The following FGF14 variants were observed in gnomAD, a reference collection of about 807,000 sequenced individuals.
FGF14 encodes fibroblast growth factor homologous factor 4.
In FGF14, 5 loss-of-function variants were observed where a neutral mutation model predicts 25.5. The observed-to-expected ratio is 0.20, with a 90% CI of 0.10 to 0.41. FGF14 has a LOEUF of 0.41. Among genes scored for constraint, FGF14 ranks in the 10% least tolerant of loss-of-function variants. The pLI is 1.00. For synonymous variants in FGF14, 138 were observed against 118.3 expected (o/e 1.17, Z -1.08); for missense variants, 222 against 320.1 (o/e 0.69, Z 2.34).
At chr13:102,366,332 T>A (rs1380661292) in intron 1 of FGF14, 1 of 152,144 alleles carries the variant, frequency 6.6e-6, no homozygotes, top group Non-Finnish European at 1.5e-5. Context: ...CACAGTATAT[T>A]ATAACATGTC....
At chr13:101,803,458 A>G (rs1416257464) in intron 3 of FGF14, among the ~76,000 whole-genome samples, 1 of 152,128 alleles carries the variant, frequency 6.6e-6, no homozygotes, top group African/African-American at 2.4e-5. Context: ...AAACTGCAGA[A>G]CTGTTCATTG....
chr13:102,036,967 T>C (rs1230014424), intron 1 of FGF14, among the ~76,000 whole-genome samples: 2 of 152,134 alleles, frequency 1.3e-5, no homozygotes, highest in Non-Finnish European at 2.9e-5. Context: ...CAGAGCAAAA[T>C]ACACAGGGAG....
chr13:102,258,442 T>C (rs2141104259), intron 1 of FGF14, among the ~76,000 whole-genome samples: 1 of 152,276 alleles, frequency 6.6e-6, no homozygotes, highest in East Asian at 1.9e-4. Flanking sequence ...CACCATTGGC[T>C]GAGGTCCTCT....
At chr13:101,970,300 A>C (rs1245987759) in intron 1 of FGF14, among the ~76,000 whole-genome samples, 1 of 152,374 alleles carries the variant, frequency 6.6e-6, no homozygotes, top group South Asian at 2.1e-4. Context: ...TATGGGTTTA[A>C]AATTAATTGC....
chr13:102,060,245 G>C (rs2042620143), intron 1 of FGF14, among the ~76,000 whole-genome samples: 2 of 152,292 alleles, frequency 1.3e-5, no homozygotes, highest in South Asian at 4.1e-4. Context: ...ATAAATCTGG[G>C]CAGGTCGTGG....
At chr13:101,866,028 CG>C (rs2044683373) in intron 3 of FGF14, among the ~76,000 whole-genome samples, 1 of 151,872 alleles carries the variant, frequency 6.6e-6, no homozygotes, top group African/African-American at 2.4e-5. Context: ...GGGTTAACAA[CG>C]TTTGTCATGG....
At position 102,174,993 on chromosome 13, in the gene FGF14, G is replaced by A. The variant is rs149455089; in HGVS notation, c.208+226478C>T. Reference sequence around the variant, plus strand: ...GAGAAACATTCCAAGCTCATAGACAGGAAGAATCAATATTGTTAAAATGTC... The same window carrying A: ...GAGAAACATTCCAAGCTCATAGACAAGAAGAATCAATATTGTTAAAATGTC... On this transcript the variant is annotated intron_variant, in intron 1 of 4. Transcript: ENST00000376131. Among the ~76,000 whole-genome samples the A allele has an allele frequency of 7.1e-3, 1,080 of 152,138 alleles. 13 individuals are homozygous for A. Among genetic ancestry groups the A allele is most frequent in the African/African-American group, 0.024 (981 of 41,512 alleles).
At chr13:101,942,286 G>A (rs1012376219) in intron 1 of FGF14, among the ~76,000 whole-genome samples, 2 of 152,104 alleles carry the variant, frequency 1.3e-5, no homozygotes, top group African/African-American at 4.8e-5. Flanking sequence ...AGCCTGTTTA[G>A]TGTCTCAGGA....
At chr13:101,738,196 A>C (rs1403257315) in intron 3 of FGF14, among the ~76,000 whole-genome samples, 4 of 152,324 alleles carry the variant, frequency 2.6e-5, no homozygotes, top group Admixed American at 2.0e-4. Flanking sequence ...ATAGATTAAG[A>C]AGCATTTATT....
chr13:101,829,655 A>G (rs2042574006), intron 3 of FGF14, among the ~76,000 whole-genome samples: 1 of 152,084 alleles, frequency 6.6e-6, no homozygotes, highest in African/African-American at 2.4e-5. Context: ...ACCCAGGGCT[A>G]AAGTAAATAC....
chr13:102,098,687 C>T (rs1045888548), intron 1 of FGF14, among the ~76,000 whole-genome samples: 8 of 152,080 alleles, frequency 5.3e-5, no homozygotes, highest in Admixed American at 2.0e-4. Flanking sequence ...TGAACTAAGT[C>T]CTGAGGTCTG....
At chr13:102,304,331 T>C (rs1241169037) in intron 1 of FGF14, among the ~76,000 whole-genome samples, 1 of 152,122 alleles carries the variant, frequency 6.6e-6, no homozygotes, top group Non-Finnish European at 1.5e-5. Flanking sequence ...AGATTCCTGT[T>C]GCTACTCTGA....
chr13:101,838,660 T>C (rs893758628), intron 3 of FGF14, among the ~76,000 whole-genome samples: 1 of 152,028 alleles, frequency 6.6e-6, no homozygotes, highest in East Asian at 1.9e-4. Context: ...CTGTGTCAAG[T>C]AGACCGAAAA....
intron 1 of FGF14, among the ~76,000 whole-genome samples, chr13:101,955,121 C>A (rs534237046): frequency 6.6e-6 from 1 of 152,194 alleles, no homozygotes; most frequent in Non-Finnish European, 1.5e-5. Context: ...GCATTCCCAG[C>A]TGGAGACTGT....
intron 1 of FGF14, among the ~76,000 whole-genome samples, chr13:101,966,869 G>A (rs769653450): frequency 2.0e-5 from 3 of 152,136 alleles, no homozygotes; most frequent in Non-Finnish European, 4.4e-5. Context: ...GAGACAGTTC[G>A]TTATTGTTTG....
rs1491358179 is a variant in FGF14 at position 101,720,528 on chromosome 13, C to CTGTGTGTGTGTGTGTG, written c.*2302_*2303insCACACACACACACACA. ...AGTAACAAATAGATGGGGGTGTTTG[C>CTGTGTGTGTGTGTGTG]TCTGTGTGTGTGTGTGTGTGTGTGT... On this transcript the variant is annotated 3_prime_UTR_variant, in exon 5 of 5. Coordinates refer to ENST00000376143, the MANE Select transcript of FGF14 (RefSeq NM_004115.4). 1.1e-5 allele frequency: 1 copy of CTGTGTGTGTGTGTGTG among 92,694 alleles called. No homozygotes were observed. Among genetic ancestry groups the CTGTGTGTGTGTGTGTG allele is most frequent in the African/African-American group, 4.7e-5 (1 of 21,218 alleles). 5.7% of individuals were successfully genotyped at this position (92,694 alleles called of 1,614,324 possible). A position where few individuals can be genotyped will look rare whatever the true frequency, so the allele number is the denominator to read the frequency against.
At chr13:101,833,398 C>T (rs932501958) in intron 3 of FGF14, among the ~76,000 whole-genome samples, 3 of 151,926 alleles carry the variant, frequency 2.0e-5, no homozygotes, top group South Asian at 2.1e-4. Flanking sequence ...TTTTCAACAG[C>T]GTTGACTGAA....
intron 1 of FGF14, among the ~76,000 whole-genome samples, chr13:102,021,592 G>C (rs2139868162): frequency 6.6e-6 from 1 of 152,126 alleles, no homozygotes; most frequent in African/African-American, 2.4e-5. Context: ...TTGAAGCTAA[G>C]GGAAGGACAA....
At chr13:101,789,911 T>G (rs1033504602) in intron 3 of FGF14, among the ~76,000 whole-genome samples, 8 of 151,790 alleles carry the variant, frequency 5.3e-5, no homozygotes, top group Non-Finnish European at 1.0e-4. Context: ...ATATTATTAT[T>G]AATAATAATG....
Sources: allele counts gnomAD v4.1 joint callset (sites outside exome capture counted in the v4.1 genomes callset), GRCh38; gene constraint gnomAD v4.1.1; transcripts MANE v1.5; gene names NCBI Gene and HGNC (gene_info 2026-07-23, HGNC 2026-07-21).